Variants in SOX6 observed in about 807,000 individuals in gnomAD.
The protein encoded by SOX6 is transcription factor SOX-6.
SOX6 carries 11 observed loss-of-function variants against 97.8 expected under a neutral mutation model. The ratio of observed to expected loss-of-function variants is 0.11; its 90% CI spans 0.07 to 0.19. The LOEUF is 0.19. Ranked by LOEUF, SOX6 falls within the 10% of genes least tolerant of loss-of-function variation. The probability of loss-of-function intolerance (pLI) is 1.00; values close to 1 mark genes in which losing one functional copy is unlikely to be tolerated. For synonymous variants in SOX6, 360 were observed against 371.4 expected, an observed-to-expected ratio of 0.97 and a Z score of 0.35; for missense variants, 810 against 1,039.5, an observed-to-expected ratio of 0.78 and a Z score of 3.04.
chr11:16,546,547 A>C (rs770642854), intron 4 of SOX6, among the ~76,000 whole-genome samples: 27 of 152,256 alleles, frequency 1.8e-4, no homozygotes, highest in Non-Finnish European at 3.5e-4. Flanking sequence ...TGCTGGAAAA[A>C]CTGGATATCC....
At position 16,233,391 on chromosome 11, in the gene SOX6, A is replaced by C. The variant is rs563106508; in HGVS notation, c.535+1191T>G. Among the ~76,000 whole-genome samples the C allele has an allele frequency of 2.8e-4, 42 of 152,300 alleles. 1 individual carries two copies. In the East Asian group the frequency reaches 7.9e-3, roughly 29 times the overall value. On this transcript the variant is annotated intron_variant, in intron 4 of 15. Transcript: ENST00000683767. ...TAGTAGGCAAAAAGTATAACTCTCA[A>C]CTGATAAGGTAACTTACTATCTGAA...
At chr11:16,114,966 C>T (rs1002285011) in intron 6 of SOX6, among the ~76,000 whole-genome samples, 3 of 152,124 alleles carry the variant, frequency 2.0e-5, no homozygotes, top group Admixed American at 6.5e-5. Context: ...ACCAAACTCT[C>T]GGGTTCATTT....
intron 3 of SOX6, among the ~76,000 whole-genome samples, chr11:16,692,534 C>T (rs751086191): frequency 3.9e-5 from 6 of 152,176 alleles, no homozygotes; most frequent in Admixed American, 3.3e-4. Context: ...CATATCCAAA[C>T]TTACATAAAC....
intron 3 of SOX6, among the ~76,000 whole-genome samples, chr11:16,660,909 T>G (rs1434722971): frequency 6.6e-5 from 10 of 152,176 alleles, no homozygotes; most frequent in Non-Finnish European, 4.4e-5. Flanking sequence ...TCACCCAGTT[T>G]TTGGTATTTT....
rs139745958 is a variant in SOX6 at position 16,246,993 on chromosome 11, A to C, written c.446-12322T>G. 3.3e-5 allele frequency among the ~76,000 whole-genome samples: 5 copies of C among 152,246 alleles called. No homozygotes were observed. The East Asian group carries it at 7.7e-4, about 24-fold the overall frequency. The stretch of plus-strand genomic sequence containing the variant: ...CTATAGAAACCCTCCTGTGATACCA[A>C]ATACTAGCTCTTTTTCATTATATAT... On this transcript the variant is annotated intron_variant, in intron 3 of 15. Transcript: ENST00000683767.
intron 4 of SOX6, among the ~76,000 whole-genome samples, chr11:16,483,647 A>G (rs577044111): frequency 6.6e-6 from 1 of 151,508 alleles, no homozygotes; most frequent in East Asian, 2.0e-4. Flanking sequence ...CTGCTGAGTG[A>G]CACAGGCTAT....
At chr11:16,066,503 G>T (rs1362601187) in intron 9 of SOX6, among the ~76,000 whole-genome samples, 1 of 152,278 alleles carries the variant, frequency 6.6e-6, no homozygotes, top group Middle Eastern at 3.4e-3. Context: ...AGCAATCTAA[G>T]TGTCCATCAA....
At chr11:16,270,451 A>G (rs1195043761) in intron 3 of SOX6, among the ~76,000 whole-genome samples, 2 of 151,448 alleles carry the variant, frequency 1.3e-5, no homozygotes, top group South Asian at 2.1e-4. Context: ...CAATTCCTCA[A>G]AAAGCTAAAC....
At chr11:16,391,784 G>C (rs1858191528) in intron 1 of SOX6, among the ~76,000 whole-genome samples, 1 of 151,966 alleles carries the variant, frequency 6.6e-6, no homozygotes, top group African/African-American at 2.4e-5. Flanking sequence ...GGAAGGGAGA[G>C]GACTAATTAT....
rs200016775 is a variant in SOX6 at position 16,246,017 on chromosome 11, A to AT, written c.446-11347dup. Among the ~76,000 whole-genome samples the AT allele has an allele frequency of 3.6e-4, 54 of 150,732 alleles. 1 individual carries two copies. In the East Asian group the frequency reaches 9.9e-3, roughly 28 times the overall value. ...CTCTTTTCTTGGCTTTTTAATTATT[A>AT]TTTTTTTTAGAATTCTACTTATCTC... On this transcript the variant is annotated intron_variant, in intron 3 of 15. Coordinates refer to ENST00000683767, the MANE Select transcript of SOX6 (RefSeq NM_001367873.1).
chr11:16,239,869 A>T (rs1319751107), intron 3 of SOX6, among the ~76,000 whole-genome samples: 1 of 151,850 alleles, frequency 6.6e-6, no homozygotes, highest in East Asian at 1.9e-4. Context: ...CTCCTCCATA[A>T]CACCCCTCCC....
intron 9 of SOX6, among the ~76,000 whole-genome samples, chr11:16,091,575 A>G (rs1848688929): frequency 6.6e-6 from 1 of 152,078 alleles, no homozygotes; most frequent in African/African-American, 2.4e-5. Flanking sequence ...CATTTGTAGC[A>G]CAAAAATTGA....
At chr11:15,975,555 T>C (rs1853451644) in intron 15 of SOX6, among the ~76,000 whole-genome samples, 1 of 152,206 alleles carries the variant, frequency 6.6e-6, no homozygotes, top group East Asian at 1.9e-4. Context: ...TCTATATCAA[T>C]AGGTCTACTG....
intron 1 of SOX6, among the ~76,000 whole-genome samples, chr11:16,439,484 CA>C (rs571806323): frequency 4.2e-4 from 64 of 152,244 alleles, no homozygotes; most frequent in African/African-American, 1.3e-3. Flanking sequence ...TAGCTAGTTT[CA>C]CAATAAAGAT....
intron 12 of SOX6, among the ~76,000 whole-genome samples, chr11:16,025,834 A>G (rs1161667793): frequency 6.6e-6 from 1 of 152,160 alleles, no homozygotes; most frequent in African/African-American, 2.4e-5. Context: ...TGTATCTCCT[A>G]AGAGCTTTTC....
At chr11:16,279,038 C>G (rs1443156053) in intron 3 of SOX6, among the ~76,000 whole-genome samples, 1 of 151,952 alleles carries the variant, frequency 6.6e-6, no homozygotes, top group Non-Finnish European at 1.5e-5. Context: ...TTTTTTTCCT[C>G]TTAGAATTTC....
intron 3 of SOX6, among the ~76,000 whole-genome samples, chr11:16,296,951 C>G (rs1855112950): frequency 6.6e-6 from 1 of 152,032 alleles, no homozygotes; most frequent in African/African-American, 2.4e-5. Context: ...AAATTAAAGA[C>G]TGTCTTCGAA....
chr11:16,323,797 A>G (rs1204558251), intron 2 of SOX6, among the ~76,000 whole-genome samples: 2 of 152,134 alleles, frequency 1.3e-5, no homozygotes, highest in Non-Finnish European at 1.5e-5. Flanking sequence ...GGATTTCAGG[A>G]CTTCATGCTT....
At chr11:16,447,330 G>T (rs943939194) in intron 1 of SOX6, among the ~76,000 whole-genome samples, 2 of 152,132 alleles carry the variant, frequency 1.3e-5, no homozygotes, top group African/African-American at 4.8e-5. Context: ...TATCAGAAAA[G>T]TTTGTGCTAC....
Sources: gnomAD v4.1 joint callset for allele counts (sites outside exome capture counted in the v4.1 genomes callset) on GRCh38, gnomAD v4.1.1 for gene constraint, MANE v1.5 for transcripts, NCBI Gene and HGNC (gene_info 2026-07-23, HGNC 2026-07-21) for gene names.